The following DLGAP2 variants were observed in gnomAD, a reference collection of about 807,000 sequenced individuals.
The protein encoded by DLGAP2 is DLG associated protein 2.
DLGAP2 carries 26 observed loss-of-function variants against 100.3 expected under a neutral mutation model. That is an observed-to-expected ratio of 0.26 (90% CI 0.19 to 0.36). DLGAP2 has a LOEUF of 0.36. Among genes scored for constraint, DLGAP2 ranks in the 10% least tolerant of loss-of-function variants. DLGAP2 has a pLI of 1.00. For synonymous variants in DLGAP2, 886 were observed against 630.1 expected, an observed-to-expected ratio of 1.41 and a Z score of -6.08; for missense variants, 1,858 against 1,453.2, an observed-to-expected ratio of 1.28 and a Z score of -4.53.
At chr8:1,594,935 C>A (rs1013476075) in intron 6 of DLGAP2, among the ~76,000 whole-genome samples, 1 of 152,236 alleles carries the variant, frequency 6.6e-6, no homozygotes, top group Non-Finnish European at 1.5e-5. Flanking sequence ...GGGTCTCCAG[C>A]TGTCAGCAGG....
At chr8:788,514 G>T (rs1454752159) in intron 1 of DLGAP2, among the ~76,000 whole-genome samples, 2 of 152,218 alleles carry the variant, frequency 1.3e-5, no homozygotes, top group Non-Finnish European at 2.9e-5. Flanking sequence ...GTAGTGTCCA[G>T]GGAGCTTGTG....
intron 2 of DLGAP2, among the ~76,000 whole-genome samples, chr8:1,198,821 C>A (rs1290743501): frequency 6.6e-6 from 1 of 152,238 alleles, no homozygotes; most frequent in East Asian, 1.9e-4. Flanking sequence ...ATGGGCACCT[C>A]CCTCCTGGGC....
At position 1,701,331 on chromosome 8, in the gene DLGAP2, C is replaced by T; in HGVS notation, c.3093C>T (p.Ser1031=). The T allele has an allele frequency of 6.3e-7, 1 of 1,592,310 alleles. No homozygotes were observed. The highest frequency in any genetic ancestry group is 1.1e-5 in the South Asian group (1 of 87,618). The change falls in exon 15 of 15, where the codon TCC becomes TCT. Residue 1031 remains serine, a synonymous_variant. Transcript: ENST00000637795. Reference sequence around the variant, plus strand: ...TCATGGCCGCCAAGCGAGCGGCGTCCTTCCGGCAGAATTCCGCCTCCGAGC... The same window carrying T: ...TCATGGCCGCCAAGCGAGCGGCGTCTTTCCGGCAGAATTCCGCCTCCGAGC... ...RRLMAAKRAA[S]FRQNSASERA... is the part of the protein sequence containing the mutation.
intron 3 of DLGAP2, among the ~76,000 whole-genome samples, chr8:1,390,242 G>A (rs1321196176): frequency 6.6e-6 from 1 of 152,130 alleles, no homozygotes; most frequent in East Asian, 1.9e-4. Flanking sequence ...CCAGATGGGA[G>A]CCTCTCATCT....
intron 4 of DLGAP2, among the ~76,000 whole-genome samples, chr8:1,544,699 T>A (rs549504266): frequency 1.1e-4 from 17 of 152,162 alleles, no homozygotes; most frequent in Admixed American, 9.8e-4. Flanking sequence ...ATTCTCCTCA[T>A]ATGCTGCTAT....
chr8:1,362,159 G>A (rs777928963), intron 3 of DLGAP2, among the ~76,000 whole-genome samples: 2 of 152,192 alleles, frequency 1.3e-5, no homozygotes, highest in African/African-American at 2.4e-5. Context: ...CATCCGCAGC[G>A]CCGTCTCGGC....
chr8:1,193,909 G>T (rs1797694382), intron 2 of DLGAP2, among the ~76,000 whole-genome samples: 1 of 152,160 alleles, frequency 6.6e-6, no homozygotes. Flanking sequence ...CAGCCAGGAG[G>T]AGCCGCTGGA....
intron 3 of DLGAP2, among the ~76,000 whole-genome samples, chr8:1,362,138 G>A (rs1801996016): frequency 6.6e-6 from 1 of 152,158 alleles, no homozygotes. Flanking sequence ...TGTGATCTGA[G>A]CCTTCTGAGG....
intron 3 of DLGAP2, among the ~76,000 whole-genome samples, chr8:1,269,132 G>A (rs1799527864): frequency 6.6e-6 from 1 of 152,192 alleles, no homozygotes; most frequent in South Asian, 2.1e-4. Context: ...CCCTTCATCG[G>A]TGGGCCCGTC....
chr8:1,318,933 C>T (rs111354350), intron 3 of DLGAP2, among the ~76,000 whole-genome samples: 2 of 152,174 alleles, frequency 1.3e-5, no homozygotes, highest in African/African-American at 2.4e-5. Flanking sequence ...ACTCAAAACG[C>T]TCAGCATGGT....
rs559541109 is a variant in DLGAP2 at position 1,625,635 on chromosome 8, A to G, written c.1443-1105A>G. Among the ~76,000 whole-genome samples the G allele has an allele frequency of 2.6e-5, 4 of 152,358 alleles. No homozygotes were observed. The East Asian group carries it at 7.7e-4, about 29-fold the overall frequency. On this transcript the variant is annotated intron_variant, in intron 6 of 14. Transcript: ENST00000637795. ...TTTTTTAAATATGTAAAGTTGCCAG[A>G]GAGCCAATAATTTTTATGAGACTCT... is the stretch of plus-strand genomic sequence containing the variant.
At position 1,683,856 on chromosome 8, in the gene DLGAP2, ATGTGTGTGTGTGTGTG is replaced by A. The variant is rs10583520; in HGVS notation, c.2704+5253_2704+5268del. Among the ~76,000 whole-genome samples, 24 of 62,212 alleles carry A rather than the reference ATGTGTGTGTGTGTGTG, an allele frequency of 3.9e-4. 1 individual carries two copies. Among genetic ancestry groups the A allele is most frequent in the East Asian group, 1.2e-3 (2 of 1,710 alleles). The allele number at this position is 62,212 out of a possible 152,430, so 40.8% of individuals were successfully genotyped here. Reference sequence around the variant, plus strand: ...CCACTATATATATATATATATATATATGTGTGTGTGTGTGTGTGTGTGTGTGTGTGTGTGTGTGTGT... The same window carrying A: ...CCACTATATATATATATATATATATATGTGTGTGTGTGTGTGTGTGTGTGT... On this transcript the variant is annotated intron_variant, in intron 12 of 14. Transcript: ENST00000637795.
intron 2 of DLGAP2, among the ~76,000 whole-genome samples, chr8:1,153,263 T>C (rs79645040): frequency 0.03 from 4,584 of 152,210 alleles, 255 homozygotes; most frequent in African/African-American, 0.1. Flanking sequence ...CCCAGATAAT[T>C]GGGGTCATTT....
intron 1 of DLGAP2, among the ~76,000 whole-genome samples, chr8:855,490 A>G (rs1393471450): frequency 6.6e-6 from 1 of 152,190 alleles, no homozygotes; most frequent in Non-Finnish European, 1.5e-5. Context: ...GGGTGCCAAG[A>G]GAAAACAATT....
chr8:1,429,420 A>G (rs978936479), intron 3 of DLGAP2, among the ~76,000 whole-genome samples: 1 of 152,188 alleles, frequency 6.6e-6, no homozygotes, highest in African/African-American at 2.4e-5. Flanking sequence ...CATGGGGTCC[A>G]GGATTGTGTC....
At chr8:1,003,629 A>T (rs1427039047) in intron 2 of DLGAP2, among the ~76,000 whole-genome samples, 2 of 152,138 alleles carry the variant, frequency 1.3e-5, no homozygotes, top group Non-Finnish European at 2.9e-5. Context: ...CTGCTCTGTG[A>T]TGTGAGCTGG....
intron 2 of DLGAP2, among the ~76,000 whole-genome samples, chr8:914,009 G>A (rs1798541686): frequency 1.3e-5 from 2 of 152,246 alleles, no homozygotes; most frequent in African/African-American, 4.8e-5. Context: ...TTTTCAGGAG[G>A]CCAGGGAGTG....
intron 3 of DLGAP2, among the ~76,000 whole-genome samples, chr8:1,299,539 C>T (rs1277493427): frequency 6.6e-6 from 1 of 152,214 alleles, no homozygotes; most frequent in Non-Finnish European, 1.5e-5. Flanking sequence ...ATGCCAACTG[C>T]AACTCGGTTT....
chr8:1,253,793 G>A (rs896351838), intron 2 of DLGAP2, among the ~76,000 whole-genome samples: 1 of 152,206 alleles, frequency 6.6e-6, no homozygotes, highest in African/African-American at 2.4e-5. Context: ...GTGTATCCAG[G>A]TTAAGTCTTG....
Sources: gnomAD v4.1 joint callset for allele counts (sites outside exome capture counted in the v4.1 genomes callset) on GRCh38, gnomAD v4.1.1 for gene constraint, MANE v1.5 for transcripts, NCBI Gene and HGNC (gene_info 2026-07-23, HGNC 2026-07-21) for gene names.